Variants in CSNK1E observed in about 807,000 individuals in gnomAD.
CSNK1E encodes the protein casein kinase I isoform epsilon.
In CSNK1E, 17 loss-of-function variants were observed where a neutral mutation model predicts 46.1. That is an observed-to-expected ratio of 0.37 (90% confidence interval 0.25 to 0.55). The LOEUF (loss-of-function observed/expected upper bound fraction) is 0.55. CSNK1E is among the 20% of genes least tolerant of loss of function. The pLI, the probability that CSNK1E is intolerant of heterozygous loss-of-function variation, is 0.82. For missense variants in CSNK1E, 386 were observed against 595.4 expected (o/e 0.65, Z 3.66); for synonymous variants, 241 against 242.6 (o/e 0.99, Z 0.06).
chr22:38,297,745 C>T (rs1027207488), intron 7 of CSNK1E: 8 of 998,006 alleles, frequency 8.0e-6, no homozygotes, highest in Admixed American at 5.4e-5. Context: ...TGTCCTGGCC[C>T]TCAAGGACCC....
intron 7 of CSNK1E, chr22:38,296,750 G>C (rs1178509775): frequency 1.7e-5 from 27 of 1,560,378 alleles, no homozygotes; most frequent in Non-Finnish European, 2.1e-5. Flanking sequence ...GAGGAACCTA[G>C]AGCAGTGATG....
rs553410636 is a variant in CSNK1E, at chr22:38,303,509, G to A, written c.77-261C>T. ...ACAGGTTGGGGCGACAAGAAGGCCC[G>A]ATGTGAGTGGGGCAAGGGTCAGGTA... On this transcript the variant is annotated intron_variant, in intron 2 of 10. Coordinates refer to ENST00000396832, the MANE Select transcript of CSNK1E (RefSeq NM_152221.3). The surrounding 1 kb of genome is among the most constrained non-coding windows in gnomAD (Gnocchi z 4.7). Among the ~76,000 whole-genome samples, 4 of 152,316 alleles carry A rather than the reference G, an allele frequency of 2.6e-5. No homozygotes were observed. Among genetic ancestry groups the A allele is most frequent in the South Asian group, 4.1e-4 (2 of 4,830 alleles).
Position 38,303,013 on chromosome 22 carries a change from G to T in CSNK1E, c.188-4C>A. On this transcript the variant is annotated splice_polypyrimidine_tract_variant and splice_region_variant and intron_variant, in intron 3 of 10. Transcript: ENST00000396832. This position sits in a 1 kb window ranked among gnomAD's most constrained non-coding sequence, Gnocchi z 4.7. ...CACTTGATGGACGGGATCCCCACTG[G>T]GGGTCAAGCAGAGGGCCTCTGTCAG... 6.2e-7 allele frequency: 1 copy of T among 1,612,828 alleles called. No individual in the cohort carries two copies. Among genetic ancestry groups the T allele is most frequent in the Non-Finnish European group, 8.5e-7 (1 of 1,179,678 alleles).
chr22:38,311,741 C>G (rs2092721769), intron 2 of CSNK1E, among the ~76,000 whole-genome samples: 1 of 151,964 alleles, frequency 6.6e-6, no homozygotes, highest in Non-Finnish European at 1.5e-5. Flanking sequence ...GGTCACACAG[C>G]AAATGAGGAA....
In CSNK1E at chr22:38,294,337, C is replaced by A. The variant is rs1179428121; in HGVS notation, c.1078+5G>T. Reference sequence around the variant, plus strand: ...ACCCAGCCCACTGCCTGAGTCCCTGCTCACCAGCCGGCTGGATGCGGGAGG... The same window carrying A: ...ACCCAGCCCACTGCCTGAGTCCCTGATCACCAGCCGGCTGGATGCGGGAGG... On this transcript the variant is annotated splice_donor_5th_base_variant and intron_variant, in intron 8 of 10. Transcript: ENST00000396832. The surrounding 1 kb of genome is among the most constrained non-coding windows in gnomAD (Gnocchi z 5.5). 1.3e-6 allele frequency: 2 copies of A among 1,579,700 alleles called. No individual in the cohort carries two copies. The highest frequency in any genetic ancestry group is 1.1e-5 in the South Asian group (1 of 87,596).
chr22:38,310,498 C>T (rs2092716358), intron 2 of CSNK1E, among the ~76,000 whole-genome samples: 2 of 152,188 alleles, frequency 1.3e-5, no homozygotes, highest in African/African-American at 4.8e-5. Flanking sequence ...CCTCAGTTCC[C>T]ACCCATCAGA....
At position 38,294,117 on chromosome 22, in the gene CSNK1E, C is replaced by A; in HGVS notation, c.1210G>T (p.Ala404Ser). 1 of 1,609,710 alleles carries A rather than the reference C, an allele frequency of 6.2e-7. No individual in the cohort carries two copies. Among genetic ancestry groups the A allele is most frequent in the Non-Finnish European group, 8.5e-7 (1 of 1,179,438 alleles). ...GCAGGGGGGCAGCTCACCTGTGAGGCTGGGATCCGGGAGACCTCTTGCCGC... is the reference window on the plus strand; with the variant it reads ...GCAGGGGGGCAGCTCACCTGTGAGGATGGGATCCGGGAGACCTCTTGCCGC... Reference protein sequence around the residue: ...TGRQEVSRIPASQTSVPFDHL... With the variant: ...TGRQEVSRIPSSQTSVPFDHL... The change falls in exon 9 of 11, where the codon GCC becomes TCC. Residue 404 changes from alanine to serine, a missense_variant. Coordinates refer to ENST00000396832, the MANE Select transcript of CSNK1E (RefSeq NM_152221.3). The surrounding 1 kb of genome is among the most constrained non-coding windows in gnomAD (Gnocchi z 5.5).
Position 38,294,015 on chromosome 22 carries a change from G to T in CSNK1E, c.1218+94C>A. 7.0e-7 allele frequency: 1 copy of T among 1,434,056 alleles called. No homozygotes were observed. Among genetic ancestry groups the T allele is most frequent in the Non-Finnish European group, 9.4e-7 (1 of 1,063,046 alleles). 88.8% of individuals were successfully genotyped at this position (1,434,056 alleles called of 1,614,324 possible). A position where few individuals can be genotyped will look rare whatever the true frequency, so the allele number is the denominator to read the frequency against. ...TCACTCCAAGGCAAGCAGCGTCGAT[G>T]GAAAGGGAAGAACAGAGCCACGGCC... On this transcript the variant is annotated intron_variant, in intron 9 of 10. Transcript: ENST00000396832. This position sits in a 1 kb window ranked among gnomAD's most constrained non-coding sequence, Gnocchi z 5.5.
In CSNK1E at chr22:38,298,351, G is replaced by A; in HGVS notation, c.885+435C>T. ...AACAACTGCCTAGCCAGACCCAGGG[G>A]CCCATGACCAAGAAGAAAGCAAGCA... On this transcript the variant is annotated intron_variant, in intron 7 of 10. Transcript: ENST00000396832. This position sits in a 1 kb window ranked among gnomAD's most constrained non-coding sequence, Gnocchi z 4.2. The A allele has an allele frequency of 1.8e-6, 1 of 543,516 alleles. No homozygotes were observed. The highest frequency in any genetic ancestry group is 2.9e-6 in the Non-Finnish European group (1 of 345,472). The allele number at this position is 543,516 out of a possible 1,614,324, so 33.7% of individuals were successfully genotyped here. A position where few individuals can be genotyped will look rare whatever the true frequency, so the allele number is the denominator to read the frequency against.
intron 4 of CSNK1E, 69 bp downstream of exon 4, chr22:38,302,792 G>A: frequency 6.3e-7 from 1 of 1,577,278 alleles, no homozygotes; most frequent in Non-Finnish European, 8.7e-7. Flanking sequence ...ATCCTCTGGG[G>A]GCAGGAGGCA....
chr22:38,300,213 C>CT lies in CSNK1E; in HGVS notation c.566-149dup. On this transcript the variant is annotated intron_variant, in intron 5 of 10. Transcript: ENST00000396832. This position sits in a 1 kb window ranked among gnomAD's most constrained non-coding sequence, Gnocchi z 4.4. Reference sequence around the variant, plus strand: ...CTGCACGCATTTTAAACAGGCACTGCTATTATCCTCCTCCTACAGAGAAGA... The same window carrying CT: ...CTGCACGCATTTTAAACAGGCACTGCTTATTATCCTCCTCCTACAGAGAAGA... 1 of 694,352 alleles carries CT rather than the reference C, an allele frequency of 1.4e-6. No homozygotes were observed. Among genetic ancestry groups the CT allele is most frequent in the Non-Finnish European group, 2.4e-6 (1 of 423,284 alleles). 43.0% of individuals were successfully genotyped at this position (694,352 alleles called of 1,614,324 possible). A position where few individuals can be genotyped will look rare whatever the true frequency, so the allele number is the denominator to read the frequency against.
rs868029992 is a variant in CSNK1E at position 38,302,904 on chromosome 22, C to T, written c.293G>A (p.Arg98His). 3.7e-6 allele frequency: 6 copies of T among 1,614,110 alleles called. No individual in the cohort carries two copies. Among genetic ancestry groups the T allele is most frequent in the Non-Finnish European group, 5.1e-6 (6 of 1,180,022 alleles). The change falls in exon 4 of 11, where the codon CGC becomes CAC. Residue 98 changes from arginine (R) to histidine (H), a missense_variant. Coordinates refer to ENST00000396832, the MANE Select transcript of CSNK1E (RefSeq NM_152221.3). ...SLEDLFNFCS[R>H]KFSLKTVLLL... ...CAGCACCGTCTTGAGGCTGAATTTGCGGGAACAGAAGTTGAACAGGTCCTC... is the reference window on the plus strand; with the variant it reads ...CAGCACCGTCTTGAGGCTGAATTTGTGGGAACAGAAGTTGAACAGGTCCTC...
At chr22:38,310,219 C>T (rs985349379) in intron 2 of CSNK1E, among the ~76,000 whole-genome samples, 31 of 152,174 alleles carry the variant, frequency 2.0e-4, no homozygotes, top group African/African-American at 7.0e-4. Flanking sequence ...TAGAACTGCC[C>T]GATTTCAGGA....
chr22:38,299,842 T>C lies in CSNK1E; in HGVS notation c.736+53A>G, dbSNP rs770924331. ...GCTTTGTATGGCCTCACCTTTCCCT[T>C]AGACAGTGCCTCAGGGGCCCCCAGG... On this transcript the variant is annotated intron_variant, in intron 6 of 10. Coordinates refer to ENST00000396832, the MANE Select transcript of CSNK1E (RefSeq NM_152221.3). 2.9e-4 allele frequency: 457 copies of C among 1,588,680 alleles called. 2 individuals are homozygous for C. The highest frequency in any genetic ancestry group is 2.0e-3 in the Admixed American group (118 of 59,270).
At chr22:38,305,264 G>C (rs1294999057) in intron 2 of CSNK1E, among the ~76,000 whole-genome samples, 2 of 152,030 alleles carry the variant, frequency 1.3e-5, no homozygotes, top group Non-Finnish European at 2.9e-5. Context: ...GTGGTTCCCA[G>C]GGAGGGACAC....
intron 7 of CSNK1E, chr22:38,297,194 C>A: frequency 2.6e-6 from 2 of 774,386 alleles, no homozygotes; most frequent in Non-Finnish European, 4.8e-6. Flanking sequence ...TTGTGCTGAG[C>A]TGGAGGGCCA....
rs1434125043 is a variant in CSNK1E at position 38,300,785 on chromosome 22, C to G, written c.504G>C (p.Arg168=). The G allele has an allele frequency of 1.2e-6, 2 of 1,614,112 alleles. No homozygotes were observed. The change falls in exon 5 of 11, where the codon CGG becomes CGC. Residue 168 remains arginine, a synonymous_variant. Transcript: ENST00000396832. The surrounding 1 kb of genome is among the most constrained non-coding windows in gnomAD (Gnocchi z 4.4). Reference sequence around the variant, plus strand: ...CCGTGCCGGTCAGGTTCTTGTTTTCCCGGTAGGGAATGTGCTGGTGGGTGC... The same window carrying G: ...CCGTGCCGGTCAGGTTCTTGTTTTCGCGGTAGGGAATGTGCTGGTGGGTGC... The part of the protein sequence containing the change: ...DARTHQHIPY[R]ENKNLTGTAR...
chr22:38,300,141 C>T lies in CSNK1E; in HGVS notation c.566-76G>A. 1.4e-6 allele frequency: 2 copies of T among 1,430,954 alleles called. No individual in the cohort carries two copies. The highest frequency in any genetic ancestry group is 1.9e-6 in the Non-Finnish European group (2 of 1,043,592). The allele number at this position is 1,430,954 out of a possible 1,614,324, so 88.6% of individuals were successfully genotyped here. On this transcript the variant is annotated intron_variant, in intron 5 of 10. Transcript: ENST00000396832. This position sits in a 1 kb window ranked among gnomAD's most constrained non-coding sequence, Gnocchi z 4.4. ...CTAACTCATCCTCTGGGTCATGCTC[C>T]TCACAATGCACCAGGACCCTCCTGC...
At chr22:38,307,942 A>C (rs1302747372) in intron 2 of CSNK1E, among the ~76,000 whole-genome samples, 1 of 152,148 alleles carries the variant, frequency 6.6e-6, no homozygotes, top group Non-Finnish European at 1.5e-5. Flanking sequence ...CACCTGCCTC[A>C]GCCTCCCAAT....
Sources: gnomAD v4.1 joint callset for allele counts (sites outside exome capture counted in the v4.1 genomes callset) on GRCh38, gnomAD v4.1.1 for gene constraint, Gnocchi (gnomAD v3.1) non-coding constraint, MANE v1.5 for transcripts, NCBI Gene and HGNC (gene_info 2026-07-23, HGNC 2026-07-21) for gene names.